The following PSMG3 variants were observed in gnomAD, a reference collection of about 807,000 sequenced individuals.
PSMG3 encodes the protein PAC-3.
Under a neutral mutation model 7.9 loss-of-function variants are expected in PSMG3, and 4 were observed. The observed-to-expected ratio is 0.51, with a 90% CI of 0.25 to 1.16. The LOEUF (loss-of-function observed/expected upper bound fraction) is 1.16. Ranked by LOEUF, PSMG3 falls within the 50% of genes most tolerant of loss-of-function variation. PSMG3 has a pLI of 0.15. For synonymous variants in PSMG3, 81 were observed against 69.8 expected (o/e 1.16, Z -0.80); for missense variants, 151 against 157.4 (o/e 0.96, Z 0.22).
intron 1 of PSMG3, 117 bp downstream of exon 1, chr7:1,569,004 GTGT>G (rs1295205004): frequency 4.0e-6 from 3 of 747,504 alleles, no homozygotes; most frequent in Non-Finnish European, 4.6e-6. Flanking sequence ...ACTTGTGTGT[GTGT>G]TGTTGTGTTG....
rs538435581 is a variant in PSMG3, at chr7:1,567,547, T to G, written c.*151A>C. 1 of 687,660 alleles carries G rather than the reference T, an allele frequency of 1.5e-6. No homozygotes were observed. Among genetic ancestry groups the G allele is most frequent in the South Asian group, 1.9e-5 (1 of 51,990 alleles). 42.6% of individuals were successfully genotyped at this position (687,660 alleles called of 1,614,324 possible). A position where few individuals can be genotyped will look rare whatever the true frequency, so the allele number is the denominator to read the frequency against. On this transcript the variant is annotated 3_prime_UTR_variant, in exon 2 of 2. Transcript: ENST00000288607. Reference sequence around the variant, plus strand: ...ATGATCTTAGTAACCAGAGTAAGAGTCTGCCTGAGACACGAGTCTTTTTTC... The same window carrying G: ...ATGATCTTAGTAACCAGAGTAAGAGGCTGCCTGAGACACGAGTCTTTTTTC...
At position 1,569,144 on chromosome 7, in the gene PSMG3, C is replaced by T; in HGVS notation, c.196G>A (p.Val66Ile). ...TTTACCTCATCCTGCCCCAGAAGGA[C>T]TTTTGTGGTGAGCACAGGCTTGCTG... is the stretch of plus-strand genomic sequence containing the variant. The part of the protein sequence containing the change: ...DVSKPVLTTK[V>I]LLGQDEPLIH... The change falls in exon 1 of 2, where the codon GTC (valine) becomes ATC (isoleucine). Residue 66 changes from valine to isoleucine, a missense_variant. Physicochemically the swap from Val to Ile is conservative, Grantham distance 29. Transcript: ENST00000288607. 6.2e-7 allele frequency: 1 copy of T among 1,613,528 alleles called. No homozygotes were observed. The highest frequency in any genetic ancestry group is 8.5e-7 in the Non-Finnish European group (1 of 1,180,020).
rs571669311 is a variant in PSMG3, at chr7:1,570,001, G to A, written c.-662C>T. 6.6e-6 allele frequency: 1 copy of A among 152,048 alleles called. No homozygotes were observed. The highest frequency in any genetic ancestry group is 1.9e-4 in the East Asian group (1 of 5,140). The allele number at this position is 152,048 out of a possible 1,614,324, so 9.4% of individuals were successfully genotyped here. ...CGCCCGGGGAAGCCCGCGGGTACCCGCGCTCACCAAGCCGGCGCCGCGCCC... is the reference window on the plus strand; with the variant it reads ...CGCCCGGGGAAGCCCGCGGGTACCCACGCTCACCAAGCCGGCGCCGCGCCC... On this transcript the variant is annotated 5_prime_UTR_variant, in exon 1 of 2. Transcript: ENST00000288607.
chr7:1,567,892 C>T (rs751652578), intron 1 of PSMG3, 42 bp from the exon 2 acceptor site: 1 of 1,597,474 alleles, frequency 6.3e-7, no homozygotes, highest in Non-Finnish European at 8.5e-7. Flanking sequence ...CTGCAAGAAA[C>T]CTGGTTTTTT....
At chr7:1,567,953 A>G in intron 1 of PSMG3, 103 bp from the exon 2 acceptor site, 1 of 1,029,246 alleles carries the variant, frequency 9.7e-7, no homozygotes. Flanking sequence ...GGCTTCCCAC[A>G]CCACCATTAA....
intron 1 of PSMG3, 57 bp downstream of exon 1, chr7:1,569,067 C>A (rs1778826937): frequency 4.0e-6 from 6 of 1,511,906 alleles, no homozygotes; most frequent in Non-Finnish European, 5.5e-6. Flanking sequence ...CCGCCTAGGC[C>A]TCTGAAAGTG....
chr7:1,568,361 G>A (rs1055304069), intron 1 of PSMG3, among the ~76,000 whole-genome samples: 1 of 152,014 alleles, frequency 6.6e-6, no homozygotes, highest in Non-Finnish European at 1.5e-5. Flanking sequence ...CGCTGTAGGG[G>A]TATTTGTCCG....
rs1778826220 is a variant in PSMG3, at chr7:1,569,048, GC to G, written c.216+75del. 42 of 1,317,348 alleles carry G rather than the reference GC, an allele frequency of 3.2e-5. No homozygotes were observed. In the East Asian group the frequency reaches 9.7e-4, roughly 31 times the overall value. 81.6% of individuals were successfully genotyped at this position (1,317,348 alleles called of 1,614,324 possible). A position where few individuals can be genotyped will look rare whatever the true frequency, so the allele number is the denominator to read the frequency against. On this transcript the variant is annotated intron_variant, in intron 1 of 1. Transcript: ENST00000288607. ...GCTGGTTTCAAACTCCTGGCCTCAAGCGATCTGCCCGCCTAGGCCTCTGAAA... is the reference window on the plus strand; with the variant it reads ...GCTGGTTTCAAACTCCTGGCCTCAAGGATCTGCCCGCCTAGGCCTCTGAAA...
chr7:1,569,508 C>T lies in PSMG3; in HGVS notation c.-169G>A. The T allele has an allele frequency of 6.9e-6, 4 of 583,880 alleles. No homozygotes were observed. Among genetic ancestry groups the T allele is most frequent in the South Asian group, 2.2e-5 (1 of 45,724 alleles). 36.2% of individuals were successfully genotyped at this position (583,880 alleles called of 1,614,324 possible). ...AGGGGCCAGGCGCGGTGGCTCATGC[C>T]TGTCATCCCGGCACTTTGGGAGGCC... is the stretch of plus-strand genomic sequence containing the variant. On this transcript the variant is annotated 5_prime_UTR_variant, in exon 1 of 2. Coordinates refer to ENST00000288607, the MANE Select transcript of PSMG3 (RefSeq NM_032302.4).
At position 1,569,605 on chromosome 7, in the gene PSMG3, CAAA is replaced by C. The variant is rs60165118; in HGVS notation, c.-269_-267del. 0.082 allele frequency: 8,378 copies of C among 101,814 alleles called. 255 individuals are homozygous for C. Among genetic ancestry groups the C allele is most frequent in the Middle Eastern group, 0.15 (34 of 222 alleles). 6.3% of individuals were successfully genotyped at this position (101,814 alleles called of 1,614,324 possible). ...AACATAGCGAGACCCCCATCTCTACCAAAAAAAAAAAAAAAAAAAACCAGCAGG... is the reference window on the plus strand; with the variant it reads ...AACATAGCGAGACCCCCATCTCTACCAAAAAAAAAAAAAAAAACCAGCAGG... On this transcript the variant is annotated 5_prime_UTR_variant, in exon 1 of 2. Coordinates refer to ENST00000288607, the MANE Select transcript of PSMG3 (RefSeq NM_032302.4).
chr7:1,569,237 C>A lies in PSMG3; in HGVS notation c.103G>T (p.Val35Leu). The A allele has an allele frequency of 1.2e-6, 2 of 1,613,798 alleles. No homozygotes were observed. Among genetic ancestry groups the A allele is most frequent in the Non-Finnish European group, 1.7e-6 (2 of 1,180,030 alleles). The part of the protein sequence containing the change: ...CTAFSSHILV[V>L]VTQFGKMGTL... The stretch of plus-strand genomic sequence containing the variant: ...CCCATCTTCCCAAACTGGGTCACCA[C>A]CACCAGGATGTGACTGCTGAAGGCC... Residue 35 changes from valine to leucine, a missense_variant, in exon 1 of 2, where the codon GTG (valine) becomes TTG (leucine). Physicochemically the swap from Val to Leu is conservative, Grantham distance 32. Coordinates refer to ENST00000288607, the MANE Select transcript of PSMG3 (RefSeq NM_032302.4).
At position 1,567,709 on chromosome 7, in the gene PSMG3, G is replaced by C. The variant is rs1411072896; in HGVS notation, c.358C>G (p.Gln120Glu). 6.2e-7 allele frequency: 1 copy of C among 1,613,780 alleles called. No homozygotes were observed. Among genetic ancestry groups the C allele is most frequent in the Non-Finnish European group, 8.5e-7 (1 of 1,179,936 alleles). ...KALREVIRVC[Q>E]VW ...CGGCTGCCTCCAGGTCACCACACCT[G>C]GCACACCCGGATCACCTCCCTCAGC... Residue 120 changes from glutamine to glutamate, a missense_variant, in exon 2 of 2, where the codon CAG becomes GAG. Transcript: ENST00000288607.
chr7:1,567,521 G>C lies in PSMG3; in HGVS notation c.*177C>G, dbSNP rs1778796072. ...TGTTCCACCCTCCCCGTCATGCACA[G>C]ATGATCTTAGTAACCAGAGTAAGAG... On this transcript the variant is annotated 3_prime_UTR_variant, in exon 2 of 2. Coordinates refer to ENST00000288607, the MANE Select transcript of PSMG3 (RefSeq NM_032302.4). 6.8e-6 allele frequency: 4 copies of C among 588,898 alleles called. No homozygotes were observed. Among genetic ancestry groups the C allele is most frequent in the Non-Finnish European group, 1.2e-5 (4 of 342,374 alleles). 36.5% of individuals were successfully genotyped at this position (588,898 alleles called of 1,614,324 possible). A position where few individuals can be genotyped will look rare whatever the true frequency, so the allele number is the denominator to read the frequency against.
Position 1,567,682 on chromosome 7 carries a change from G to A in PSMG3, c.*16C>T, listed in dbSNP as rs376199862. ...TCACGTGTCCTGCTGAGCAGCGCGG[G>A]GCGGCTGCCTCCAGGTCACCACACC... On this transcript the variant is annotated 3_prime_UTR_variant, in exon 2 of 2. Coordinates refer to ENST00000288607, the MANE Select transcript of PSMG3 (RefSeq NM_032302.4). The A allele has an allele frequency of 1.9e-6, 3 of 1,611,864 alleles. No individual in the cohort carries two copies. Among genetic ancestry groups the A allele is most frequent in the Non-Finnish European group, 2.5e-6 (3 of 1,178,926 alleles).
intron 1 of PSMG3, among the ~76,000 whole-genome samples, 153 bp downstream of exon 1, chr7:1,568,971 T>C (rs1003376188): frequency 3.2e-4 from 49 of 152,164 alleles, no homozygotes; most frequent in Non-Finnish European, 6.3e-4. Context: ...ATATTTTGTG[T>C]AGGCACTTGT....
intron 1 of PSMG3, among the ~76,000 whole-genome samples, chr7:1,568,639 G>C (rs1245095752): frequency 1.3e-5 from 2 of 150,078 alleles, no homozygotes; most frequent in Admixed American, 1.3e-4. Context: ...CTAATTTTTT[G>C]TTTCCTTTTC....
rs376758999 is a variant in PSMG3, at chr7:1,567,655, G to A, written c.*43C>T. On this transcript the variant is annotated 3_prime_UTR_variant, in exon 2 of 2. Transcript: ENST00000288607. ...TGAGTCCCTGAGTGGGTGTCTGGGTGTTCACGTGTCCTGCTGAGCAGCGCG... is the reference window on the plus strand; with the variant it reads ...TGAGTCCCTGAGTGGGTGTCTGGGTATTCACGTGTCCTGCTGAGCAGCGCG... The A allele has an allele frequency of 1.2e-5, 19 of 1,574,274 alleles. No individual in the cohort carries two copies. In the African/African-American group the frequency reaches 2.2e-4, roughly 18 times the overall value.
At chr7:1,569,002 G>A (rs972924958) in intron 1 of PSMG3, 122 bp downstream of exon 1, 2 of 737,446 alleles carry the variant, frequency 2.7e-6, no homozygotes, top group South Asian at 3.3e-5. Flanking sequence ...TGACTTGTGT[G>A]TGTGTTGTTG....
chr7:1,567,895 G>A, intron 1 of PSMG3, 45 bp from the exon 2 acceptor site: 6 of 1,592,490 alleles, frequency 3.8e-6, no homozygotes, highest in Non-Finnish European at 5.1e-6. Context: ...CAAGAAACCT[G>A]GTTTTTTCCT....
Sources: allele counts gnomAD v4.1 joint callset (sites outside exome capture counted in the v4.1 genomes callset), GRCh38; gene constraint gnomAD v4.1.1; transcripts MANE v1.5; gene names NCBI Gene and HGNC (gene_info 2026-07-23, HGNC 2026-07-21).